KCNIP4: variants seen among roughly 807,000 people sequenced by gnomAD.
The protein encoded by KCNIP4 is potassium voltage-gated channel interacting protein 4.
In KCNIP4, 12 loss-of-function variants were observed where a neutral mutation model predicts 34.0. The ratio of observed to expected loss-of-function variants is 0.35; its 90% CI spans 0.23 to 0.57. KCNIP4 has a LOEUF of 0.57. Ranked by LOEUF, KCNIP4 falls within the 20% of genes least tolerant of loss-of-function variation. The pLI, the probability that KCNIP4 is intolerant of heterozygous loss-of-function variation, is 0.83. For missense variants in KCNIP4, 238 were observed against 311.7 expected (o/e 0.76, Z 1.78); for synonymous variants, 124 against 102.2 (o/e 1.21, Z -1.29).
chr4:21,446,701 C>T (rs1728028706), intron 1 of KCNIP4, among the ~76,000 whole-genome samples: 1 of 151,636 alleles, frequency 6.6e-6, no homozygotes, highest in Non-Finnish European at 1.5e-5. Context: ...CAACATGGCA[C>T]ATGTATACAT....
At chr4:21,346,900 A>C (rs1030705545) in intron 1 of KCNIP4, among the ~76,000 whole-genome samples, 1 of 152,182 alleles carries the variant, frequency 6.6e-6, no homozygotes, top group African/African-American at 2.4e-5. Flanking sequence ...TGCTACGATC[A>C]AACCACCAAA....
chr4:20,931,302 A>G (rs1730444686), intron 1 of KCNIP4, among the ~76,000 whole-genome samples: 1 of 152,146 alleles, frequency 6.6e-6, no homozygotes, highest in Admixed American at 6.5e-5. Flanking sequence ...GAAAAATATT[A>G]TGCTAAATGA....
intron 1 of KCNIP4, among the ~76,000 whole-genome samples, chr4:21,108,331 G>C (rs201791597): frequency 2.0e-5 from 3 of 147,734 alleles, no homozygotes; most frequent in African/African-American, 5.2e-5. Context: ...TTCCCTTCTC[G>C]CTTCATTTCA....
At chr4:20,947,405 G>T (rs1032388892) in intron 1 of KCNIP4, among the ~76,000 whole-genome samples, 1 of 152,072 alleles carries the variant, frequency 6.6e-6, no homozygotes, top group East Asian at 1.9e-4. Flanking sequence ...CTGCCCTCAT[G>T]TGGTCCACCT....
Position 21,147,939 on chromosome 4 carries a change from C to CAAAAAA in KCNIP4, c.62-265236_62-265231dup, listed in dbSNP as rs377562727. ...GGACAACAAAAGTGAAACTCCGTCTCAAAAAAAAAAAAAAAAAAAAAGAAA... is the reference window on the plus strand; with the variant it reads ...GGACAACAAAAGTGAAACTCCGTCTCAAAAAAAAAAAAAAAAAAAAAAAAAAAGAAA... On this transcript the variant is annotated intron_variant, in intron 1 of 8. Transcript: ENST00000382152. Among the ~76,000 whole-genome samples, 126 of 30,976 alleles carry CAAAAAA rather than the reference C, an allele frequency of 4.1e-3. 2 individuals are homozygous for CAAAAAA. The highest frequency in any genetic ancestry group is 5.2e-3 in the Non-Finnish European group (84 of 16,026). 20.3% of individuals were successfully genotyped at this position (30,976 alleles called of 152,430 possible).
At chr4:21,545,301 A>G (rs900944092) in intron 1 of KCNIP4, among the ~76,000 whole-genome samples, 2 of 152,084 alleles carry the variant, frequency 1.3e-5, no homozygotes, top group African/African-American at 4.8e-5. Context: ...GATAACATGT[A>G]ATCAAGAACC....
intron 3 of KCNIP4, among the ~76,000 whole-genome samples, chr4:20,846,490 A>G (rs1200488566): frequency 6.6e-6 from 1 of 152,202 alleles, no homozygotes; most frequent in Non-Finnish European, 1.5e-5. Context: ...CCTTTTGACC[A>G]TTGGTTCTCA....
chr4:20,758,437 A>G (rs1039040588), intron 4 of KCNIP4, among the ~76,000 whole-genome samples: 1 of 152,154 alleles, frequency 6.6e-6, no homozygotes, highest in Non-Finnish European at 1.5e-5. Context: ...CCCAGATTTC[A>G]TATCTATAAA....
intron 1 of KCNIP4, among the ~76,000 whole-genome samples, chr4:21,610,807 G>C (rs1378362339): frequency 6.6e-6 from 1 of 152,032 alleles, no homozygotes; most frequent in Non-Finnish European, 1.5e-5. Flanking sequence ...GGTGAAAAGG[G>C]AAGAGGCACA....
At position 20,988,506 on chromosome 4, in the gene KCNIP4, C is replaced by T. The variant is rs182640731; in HGVS notation, c.62-105797G>A. Among the ~76,000 whole-genome samples, 4 of 152,196 alleles carry T rather than the reference C, an allele frequency of 2.6e-5. No homozygotes were observed. In the East Asian group the frequency reaches 7.7e-4, roughly 29 times the overall value. On this transcript the variant is annotated intron_variant, in intron 1 of 8. Coordinates refer to ENST00000382152, the MANE Select transcript of KCNIP4 (RefSeq NM_025221.6). ...ATAGCTTCAGTTTGAAATTTCACCA[C>T]GTGATAGTCTCGGTTAAGAAATATT...
intron 1 of KCNIP4, among the ~76,000 whole-genome samples, chr4:21,308,540 A>G (rs1328100145): frequency 6.6e-6 from 1 of 152,190 alleles, no homozygotes; most frequent in Non-Finnish European, 1.5e-5. Flanking sequence ...TGATGGTCAT[A>G]ACATTTTCCC....
chr4:20,927,749 C>T (rs993952584), intron 1 of KCNIP4, among the ~76,000 whole-genome samples: 3 of 151,986 alleles, frequency 2.0e-5, no homozygotes, highest in East Asian at 1.9e-4. Flanking sequence ...AAATATGTGT[C>T]GGGTTTAGTC....
chr4:21,910,563 T>C (rs1324323459), intron 1 of KCNIP4, among the ~76,000 whole-genome samples: 1 of 152,170 alleles, frequency 6.6e-6, no homozygotes, highest in Admixed American at 6.6e-5. Context: ...TTACAGACTT[T>C]AGTTCTAAAA....
chr4:20,819,030 A>G (rs1716775061), intron 3 of KCNIP4, among the ~76,000 whole-genome samples: 1 of 147,640 alleles, frequency 6.8e-6, no homozygotes, highest in Admixed American at 7.0e-5. Flanking sequence ...GGTTACAGGC[A>G]TGCACCACCA....
intron 1 of KCNIP4, among the ~76,000 whole-genome samples, chr4:21,313,667 T>C (rs1051542959): frequency 2.6e-5 from 4 of 152,156 alleles, no homozygotes; most frequent in African/African-American, 9.7e-5. Context: ...ATGTAACCCA[T>C]TAAATAATAC....
At chr4:21,159,087 T>G (rs965577745) in intron 1 of KCNIP4, among the ~76,000 whole-genome samples, 1 of 152,178 alleles carries the variant, frequency 6.6e-6, no homozygotes, top group Non-Finnish European at 1.5e-5. Context: ...ATTGTTTATT[T>G]GGTAGAAATC....
intron 1 of KCNIP4, among the ~76,000 whole-genome samples, chr4:20,972,629 C>A (rs1049656838): frequency 6.6e-6 from 1 of 152,034 alleles, no homozygotes; most frequent in Non-Finnish European, 1.5e-5. Context: ...AGAGCACAGG[C>A]AGAATAGATT....
intron 1 of KCNIP4, among the ~76,000 whole-genome samples, chr4:21,800,225 A>T (rs1047936714): frequency 5.3e-5 from 8 of 152,210 alleles, no homozygotes. Context: ...CATTATTTCA[A>T]GATCACTGGG....
chr4:20,968,692 C>T (rs1734626215), intron 1 of KCNIP4, among the ~76,000 whole-genome samples: 1 of 149,090 alleles, frequency 6.7e-6, no homozygotes, highest in East Asian at 2.0e-4. Flanking sequence ...AAACCAAACA[C>T]TACATGTTCT....
Sources: gnomAD v4.1 joint callset for allele counts (sites outside exome capture counted in the v4.1 genomes callset) on GRCh38, gnomAD v4.1.1 for gene constraint, MANE v1.5 for transcripts, NCBI Gene and HGNC (gene_info 2026-07-23, HGNC 2026-07-21) for gene names.